GUCA1B: variants seen among roughly 807,000 people sequenced by gnomAD.
GUCA1B encodes the protein guanylate cyclase activator 1B, also known as guanylyl cyclase-activating protein 2.
In GUCA1B, 22 loss-of-function variants were observed where a neutral mutation model predicts 24.2. The ratio of observed to expected loss-of-function variants is 0.91; its 90% CI spans 0.65 to 1.30. GUCA1B has a LOEUF of 1.30. GUCA1B is among the 50% of genes most tolerant of loss of function. The pLI, the probability that GUCA1B is intolerant of heterozygous loss-of-function variation, is 0.00. For synonymous variants in GUCA1B, 100 were observed against 97.9 expected, an observed-to-expected ratio of 1.02 and a Z score of -0.13; for missense variants, 221 against 258.8, an observed-to-expected ratio of 0.85 and a Z score of 1.00.
In GUCA1B at chr6:42,188,700, G is replaced by C; in HGVS notation, c.239C>G (p.Ala80Gly). The change falls in exon 2 of 4, where the codon GCA (alanine) becomes GGA (glycine). Residue 80 changes from alanine to glycine, a missense_variant. Transcript: ENST00000230361. ...DNTIDFLEYV[A>G]ALNLVLRGTL... ...GCCCCTCAGCACGAGATTCAGAGCT[G>C]CCACGTACTCCAGGAAGTCGATGGT... 1 of 1,614,044 alleles carries C rather than the reference G, an allele frequency of 6.2e-7. No homozygotes were observed. Among genetic ancestry groups the C allele is most frequent in the Non-Finnish European group, 8.5e-7 (1 of 1,179,966 alleles).
Position 42,185,804 on chromosome 6 carries a change from A to G in GUCA1B, c.358-7T>C. 1.3e-6 allele frequency: 2 copies of G among 1,569,856 alleles called. No individual in the cohort carries two copies. Among genetic ancestry groups the G allele is most frequent in the South Asian group, 2.2e-5 (2 of 90,258 alleles). Reference sequence around the variant, plus strand: ...TCTTCAGCTGGTAAATTCCCTGCCAAAGAAAACTCAGCTGCATTGACGGGA... The same window carrying G: ...TCTTCAGCTGGTAAATTCCCTGCCAGAGAAAACTCAGCTGCATTGACGGGA... On this transcript the variant is annotated splice_region_variant and splice_polypyrimidine_tract_variant and intron_variant, in intron 2 of 3. Coordinates refer to ENST00000230361, the MANE Select transcript of GUCA1B (RefSeq NM_002098.6).
At position 42,190,461 on chromosome 6, in the gene GUCA1B, G is replaced by A. The variant is rs557819127; in HGVS notation, c.208-1730C>T. Among the ~76,000 whole-genome samples, 48 of 139,060 alleles carry A rather than the reference G, an allele frequency of 3.5e-4. 1 individual carries two copies. The South Asian group carries it at 6.7e-3, about 19-fold the overall frequency. 91.2% of individuals were successfully genotyped at this position (139,060 alleles called of 152,430 possible). On this transcript the variant is annotated intron_variant, in intron 1 of 3. Coordinates refer to ENST00000230361, the MANE Select transcript of GUCA1B (RefSeq NM_002098.6). ...TAAACAATGAACTTTTTTTTTGCAC[G>A]TATACCTTTTCTTATATCTCTGGTA...
rs377286851 is a variant in GUCA1B at position 42,184,858 on chromosome 6, C to T, written c.560G>A (p.Ser187Asn). ...MKMLQMDMNP[S>N]SWLAQQRRKS... ...CCGTCTCTGCTGAGCGAGCCAGCTG[C>T]TGGGATTCATGTCCATCTGCAGCAT... The change falls in exon 4 of 4, where the codon AGC becomes AAC. Residue 187 changes from serine (S) to asparagine (N), a missense_variant. By Grantham distance (46) the Ser-to-Asn change is conservative (BLOSUM62 1). Transcript: ENST00000230361. 6.2e-7 allele frequency: 1 copy of T among 1,614,178 alleles called. No homozygotes were observed. The highest frequency in any genetic ancestry group is 8.5e-7 in the Non-Finnish European group (1 of 1,179,990).
intron 2 of GUCA1B, among the ~76,000 whole-genome samples, chr6:42,187,195 C>T (rs961569880): frequency 6.6e-6 from 1 of 151,868 alleles, no homozygotes; most frequent in African/African-American, 2.4e-5. Context: ...AGCTCCGCCT[C>T]CCAGGTTCAA....
Position 42,183,497 on chromosome 6 carries a change from C to T in GUCA1B, c.*1318G>A, listed in dbSNP as rs1997980. On this transcript the variant is annotated 3_prime_UTR_variant, in exon 4 of 4. Transcript: ENST00000230361. ...TCAACCAGAGAGACTCCCTTTTAATCTAGTTTCTATATTGGGGTTACACAT... is the reference window on the plus strand; with the variant it reads ...TCAACCAGAGAGACTCCCTTTTAATTTAGTTTCTATATTGGGGTTACACAT... Among the ~76,000 whole-genome samples, 30,190 of 152,004 alleles carry T rather than the reference C, an allele frequency of 0.2. 3,292 individuals are homozygous for T. Among genetic ancestry groups the T allele is most frequent in the South Asian group, 0.38 (1,822 of 4,812 alleles).
At chr6:42,186,092 TTAAGTCACCATGACAGTC>T (rs1215708683) in intron 2 of GUCA1B, among the ~76,000 whole-genome samples, 1 of 152,170 alleles carries the variant, frequency 6.6e-6, no homozygotes, top group African/African-American at 2.4e-5. Context: ...TGAGGGAGGT[TTAAGTCACCATGACAGTC>T]TAAATTGCAT....
At chr6:42,189,018 A>G (rs1768256400) in intron 1 of GUCA1B, among the ~76,000 whole-genome samples, 1 of 152,106 alleles carries the variant, frequency 6.6e-6, no homozygotes, top group South Asian at 2.1e-4. Flanking sequence ...CTTGGGCTCA[A>G]GTGATCCTCC....
chr6:42,193,956 C>T (rs1768354895), intron 1 of GUCA1B, among the ~76,000 whole-genome samples: 1 of 152,098 alleles, frequency 6.6e-6, no homozygotes, highest in South Asian at 2.1e-4. Context: ...AATTCAATCC[C>T]CTGGTGCATT....
intron 2 of GUCA1B, 78 bp downstream of exon 2, chr6:42,188,504 G>A: frequency 7.3e-7 from 1 of 1,361,658 alleles, no homozygotes; most frequent in East Asian, 2.3e-5. Context: ...AGTCCCCGCT[G>A]GCCACTTGTG....
chr6:42,184,900 T>A lies in GUCA1B; in HGVS notation c.518A>T (p.Asp173Val). The change falls in exon 4 of 4, where the codon GAC (aspartate) becomes GTC (valine). Residue 173 changes from aspartate (D) to valine (V), a missense_variant. Coordinates refer to ENST00000230361, the MANE Select transcript of GUCA1B (RefSeq NM_002098.6). ...LNEFVEGARR[D>V]KWVMKMLQMD... ...CTGCAGCATCTTCATCACCCACTTG[T>A]CCCGACGGGCACCTTCAACAAACTC... is the stretch of plus-strand genomic sequence containing the variant. The A allele has an allele frequency of 6.2e-7, 1 of 1,614,060 alleles. No homozygotes were observed. Among genetic ancestry groups the A allele is most frequent in the Non-Finnish European group, 8.5e-7 (1 of 1,179,960 alleles).
In GUCA1B at chr6:42,188,687, G is replaced by A. The variant is rs774962452; in HGVS notation, c.252C>T (p.Leu84=). 5.6e-6 allele frequency: 9 copies of A among 1,613,840 alleles called. No homozygotes were observed. The highest frequency in any genetic ancestry group is 3.3e-5 in the South Asian group (3 of 91,068). ...DFLEYVAALN[L]VLRGTLEHKL... is the part of the protein sequence containing the mutation. ...TGTGCTCCAGGGTGCCCCTCAGCAC[G>A]AGATTCAGAGCTGCCACGTACTCCA... Residue 84 remains leucine (L), a synonymous_variant, in exon 2 of 4, where the codon CTC becomes CTT. Transcript: ENST00000230361.
intron 3 of GUCA1B, 109 bp from the exon 4 acceptor site, chr6:42,185,051 T>C (rs1768170779): frequency 1.0e-6 from 1 of 980,398 alleles, no homozygotes; most frequent in African/African-American, 1.6e-5. Flanking sequence ...TTATGCCAAC[T>C]ATCCTGCAGT....
intron 2 of GUCA1B, among the ~76,000 whole-genome samples, chr6:42,188,230 T>C (rs928454130): frequency 3.9e-5 from 6 of 152,188 alleles, no homozygotes; most frequent in African/African-American, 1.4e-4. Flanking sequence ...GGTTCAGCTT[T>C]AGCTGCATTC....
intron 3 of GUCA1B, among the ~76,000 whole-genome samples, chr6:42,185,352 C>T (rs1768175930): frequency 6.6e-6 from 1 of 152,204 alleles, no homozygotes; most frequent in African/African-American, 2.4e-5. Context: ...TCATTCCTCT[C>T]AACCACTATT....
intron 2 of GUCA1B, 29 bp from the exon 3 acceptor site, chr6:42,185,826 G>A (rs146693895): frequency 7.0e-4 from 953 of 1,367,644 alleles, no homozygotes; most frequent in Non-Finnish European, 9.3e-4. Flanking sequence ...CTGCATTGAC[G>A]GGAGACCCTG....
intron 1 of GUCA1B, among the ~76,000 whole-genome samples, chr6:42,189,640 G>T (rs1768267305): frequency 6.6e-6 from 1 of 152,226 alleles, no homozygotes; most frequent in African/African-American, 2.4e-5. Context: ...CATCCAGGAA[G>T]GTTGGGGAGC....
Position 42,188,641 on chromosome 6 carries a change from T to C in GUCA1B, c.298A>G (p.Ile100Val). Residue 100 changes from isoleucine to valine, a missense_variant, in exon 2 of 4, where the codon ATC (isoleucine) becomes GTC (valine). Ile to Val is a conservative substitution (Grantham distance 29, BLOSUM62 3). Coordinates refer to ENST00000230361, the MANE Select transcript of GUCA1B (RefSeq NM_002098.6). ...LEHKLKWTFK[I>V]YDKDGNGCID... ...CAGCCATTGCCATCCTTATCATAGA[T>C]CTTGAATGTCCACTTCAGCTTGTGC... 6.2e-7 allele frequency: 1 copy of C among 1,614,110 alleles called. No individual in the cohort carries two copies. The highest frequency in any genetic ancestry group is 8.5e-7 in the Non-Finnish European group (1 of 1,179,990).
Position 42,185,666 on chromosome 6 carries a change from T to A in GUCA1B, c.475+14A>T, listed in dbSNP as rs747520810. On this transcript the variant is annotated intron_variant, in intron 3 of 3. Transcript: ENST00000230361. ...CAGAGTGGACAGCACTCTCCCCATC[T>A]CTGCCCCTCTTACCATCTCCATTCT... 1 of 1,445,414 alleles carries A rather than the reference T, an allele frequency of 6.9e-7. No homozygotes were observed. Among genetic ancestry groups the A allele is most frequent in the Non-Finnish European group, 9.7e-7 (1 of 1,026,400 alleles). 89.5% of individuals were successfully genotyped at this position (1,445,414 alleles called of 1,614,324 possible). A position where few individuals can be genotyped will look rare whatever the true frequency, so the allele number is the denominator to read the frequency against.
intron 3 of GUCA1B, 108 bp from the exon 4 acceptor site, chr6:42,185,050 C>T (rs1160275714): frequency 4.9e-6 from 5 of 1,011,314 alleles, no homozygotes; most frequent in Non-Finnish European, 7.6e-6. Flanking sequence ...CTTATGCCAA[C>T]TATCCTGCAG....
Sources: gnomAD v4.1 joint callset for allele counts (sites outside exome capture counted in the v4.1 genomes callset) on GRCh38, gnomAD v4.1.1 for gene constraint, MANE v1.5 for transcripts, NCBI Gene and HGNC (gene_info 2026-07-23, HGNC 2026-07-21) for gene names.